Variants in PHLDB2 observed in about 807,000 individuals in gnomAD.
PHLDB2 encodes pleckstrin homology-like domain family B member 2.
Under a neutral mutation model 123.6 loss-of-function variants are expected in PHLDB2, and 71 were observed. The ratio of observed to expected loss-of-function variants is 0.57; its 90% CI spans 0.47 to 0.70. The LOEUF is 0.70. PHLDB2 is among the 30% of genes least tolerant of loss of function. The probability of loss-of-function intolerance (pLI) is 0.00; values close to 1 mark genes in which losing one functional copy is unlikely to be tolerated. For synonymous variants in PHLDB2, 547 were observed against 541.6 expected (o/e 1.01, Z -0.14); for missense variants, 1,446 against 1,519.5 (o/e 0.95, Z 0.80).
At chr3:111,895,125 G>A (rs1463793727) in intron 2 of PHLDB2, among the ~76,000 whole-genome samples, 2 of 151,948 alleles carry the variant, frequency 1.3e-5, no homozygotes, top group African/African-American at 4.8e-5. Context: ...GAAAAGCAGT[G>A]AGAAGGAAAA....
intron 2 of PHLDB2, among the ~76,000 whole-genome samples, chr3:111,891,044 T>C (rs748537283): frequency 2.6e-5 from 4 of 152,158 alleles, no homozygotes; most frequent in Non-Finnish European, 4.4e-5. Context: ...CTTTAGTTCA[T>C]AGACCTTGTG....
At chr3:111,916,499 G>A (rs924648303) in intron 3 of PHLDB2, 2 of 152,140 alleles carry the variant, frequency 1.3e-5, no homozygotes, top group African/African-American at 4.8e-5. Flanking sequence ...AATCGATTTA[G>A]GGATAAATGG....
At chr3:111,913,186 A>C (rs1040896975) in intron 2 of PHLDB2, 133 bp from the exon 3 acceptor site, 5 of 1,043,110 alleles carry the variant, frequency 4.8e-6, no homozygotes, top group Non-Finnish European at 7.0e-6. Context: ...TATGAAAATC[A>C]TCACCAGCCA....
chr3:111,911,365 G>A (rs547414058), intron 2 of PHLDB2, among the ~76,000 whole-genome samples: 9 of 152,248 alleles, frequency 5.9e-5, no homozygotes, highest in South Asian at 4.1e-4. Context: ...TCAGAGATTC[G>A]CCTCTAATAT....
intron 1 of PHLDB2, among the ~76,000 whole-genome samples, chr3:111,806,463 ATCTTT>A (rs891803152): frequency 1.8e-4 from 27 of 151,254 alleles, no homozygotes; most frequent in Admixed American, 1.6e-3. Context: ...GCCTTCTTGA[ATCTTT>A]TCTTTTTTTT....
At position 111,884,324 on chromosome 3, in the gene PHLDB2, C is replaced by A; in HGVS notation, c.247C>A (p.Pro83Thr). The A allele has an allele frequency of 6.2e-7, 1 of 1,614,092 alleles. No individual in the cohort carries two copies. Among genetic ancestry groups the A allele is most frequent in the Non-Finnish European group, 8.5e-7 (1 of 1,180,014 alleles). ...TTTGGGAACCAGTGTCAGAAGCAGCCCCTCCTTAGCCAAAATCCAGGGAAG... is the reference window on the plus strand; with the variant it reads ...TTTGGGAACCAGTGTCAGAAGCAGCACCTCCTTAGCCAAAATCCAGGGAAG... ...SPLGTSVRSS[P>T]SLAKIQGSKQ... Residue 83 changes from proline to threonine, a missense_variant, in exon 2 of 18, where the codon CCC becomes ACC. This residue lies in a region of PHLDB2 where 832 missense variants were observed against 831.9 expected (regional missense o/e 1.00). Coordinates refer to ENST00000431670, the MANE Select transcript of PHLDB2 (RefSeq NM_001134438.2).
intron 8 of PHLDB2, among the ~76,000 whole-genome samples, chr3:111,944,942 G>T (rs913802273): frequency 6.6e-6 from 1 of 152,112 alleles, no homozygotes. Flanking sequence ...AAGTGCTGGG[G>T]ATTACAGGCG....
intron 1 of PHLDB2, among the ~76,000 whole-genome samples, chr3:111,777,347 T>C (rs916298896): frequency 1.6e-4 from 25 of 152,154 alleles, no homozygotes; most frequent in Admixed American, 6.6e-5. Context: ...ATTATGCTTC[T>C]TTCTCCTATT....
At chr3:111,759,892 G>A (rs1414512469) in intron 1 of PHLDB2, among the ~76,000 whole-genome samples, 1 of 152,180 alleles carries the variant, frequency 6.6e-6, no homozygotes, top group Non-Finnish European at 1.5e-5. Flanking sequence ...TGGGAATATT[G>A]TTGGTTCATA....
At chr3:111,797,737 T>C (rs2061218088) in intron 1 of PHLDB2, among the ~76,000 whole-genome samples, 2 of 152,228 alleles carry the variant, frequency 1.3e-5, no homozygotes, top group Non-Finnish European at 1.5e-5. Flanking sequence ...TAGAACTGGA[T>C]AGATATTTAA....
chr3:111,808,890 C>T (rs1419498644), intron 1 of PHLDB2, among the ~76,000 whole-genome samples: 1 of 152,124 alleles, frequency 6.6e-6, no homozygotes, highest in Admixed American at 6.5e-5. Flanking sequence ...TATATAGCAT[C>T]CATTTAGAAC....
At chr3:111,914,195 A>G (rs1577071177) in intron 3 of PHLDB2, 1 of 147,884 alleles carries the variant, frequency 6.8e-6, no homozygotes, top group African/African-American at 2.5e-5. Context: ...GTTTGCAACT[A>G]CCGTTTATTT....
At chr3:111,847,315 G>A (rs917442108) in intron 2 of PHLDB2, among the ~76,000 whole-genome samples, 1 of 152,138 alleles carries the variant, frequency 6.6e-6, no homozygotes. Flanking sequence ...TCTGAGAGAC[G>A]CACTGGAGAT....
At chr3:111,760,465 C>G (rs1403983545) in intron 1 of PHLDB2, among the ~76,000 whole-genome samples, 1 of 152,154 alleles carries the variant, frequency 6.6e-6, no homozygotes, top group Non-Finnish European at 1.5e-5. Context: ...AAATTTTCTA[C>G]TATTTTTCAA....
chr3:111,762,046 C>A, intron 1 of PHLDB2, among the ~76,000 whole-genome samples: 1 of 152,014 alleles, frequency 6.6e-6, no homozygotes, highest in Non-Finnish European at 1.5e-5. Context: ...AAAGGGATGC[C>A]CCCCCAATCC....
chr3:111,821,215 T>A (rs1268610868), intron 1 of PHLDB2, among the ~76,000 whole-genome samples: 1 of 152,236 alleles, frequency 6.6e-6, no homozygotes, highest in Non-Finnish European at 1.5e-5. Context: ...AGATTTTGAA[T>A]GTCTTTTCTG....
intron 1 of PHLDB2, among the ~76,000 whole-genome samples, chr3:111,871,955 G>A (rs2065360409): frequency 1.3e-5 from 2 of 152,272 alleles, no homozygotes; most frequent in South Asian, 4.1e-4. Context: ...GACTTTCTGT[G>A]GATATCTTCC....
chr3:111,941,150 A>AG (rs2069856035), intron 8 of PHLDB2, among the ~76,000 whole-genome samples: 2 of 152,198 alleles, frequency 1.3e-5, no homozygotes, highest in Non-Finnish European at 2.9e-5. Context: ...GGTATGGTCA[A>AG]GGGGTGGCAA....
intron 1 of PHLDB2, among the ~76,000 whole-genome samples, chr3:111,869,204 A>G (rs904315667): frequency 3.3e-5 from 5 of 152,144 alleles, no homozygotes; most frequent in South Asian, 2.1e-4. Flanking sequence ...CAATACAGCT[A>G]GGGATAACAG....
Sources: gnomAD v4.1 joint callset for allele counts (sites outside exome capture counted in the v4.1 genomes callset) on GRCh38, gnomAD v4.1.1 for gene constraint, gnomAD v4.1.1 regional missense constraint, MANE v1.5 for transcripts, NCBI Gene and HGNC (gene_info 2026-07-23, HGNC 2026-07-21) for gene names.